Variants in STK39 observed in about 807,000 individuals in gnomAD.
STK39 encodes serine/threonine kinase 39.
In STK39, 20 loss-of-function variants were observed where a neutral mutation model predicts 77.8. That is an observed-to-expected ratio of 0.26 (90% CI 0.18 to 0.37). The LOEUF (loss-of-function observed/expected upper bound fraction) is 0.37, where lower values mean the gene tolerates loss of function less well. STK39 is among the 10% of genes least tolerant of loss of function. STK39 has a pLI of 1.00. For synonymous variants in STK39, 246 were observed against 234.1 expected (o/e 1.05, Z -0.47); for missense variants, 479 against 656.5 (o/e 0.73, Z 2.95).
At chr2:168,190,926 C>G (rs369208344) in intron 1 of STK39, among the ~76,000 whole-genome samples, 1 of 152,334 alleles carries the variant, frequency 6.6e-6, no homozygotes, top group African/African-American at 2.4e-5. Context: ...GGAAGCCAAA[C>G]ATTCCACAAA....
intron 12 of STK39, among the ~76,000 whole-genome samples, chr2:168,068,302 T>C (rs1005891481): frequency 6.6e-6 from 1 of 152,166 alleles, no homozygotes; most frequent in Non-Finnish European, 1.5e-5. Context: ...GAGGAAAAGA[T>C]CTCAGAATGG....
chr2:168,206,740 T>G (rs148430999), intron 1 of STK39, among the ~76,000 whole-genome samples: 1 of 152,192 alleles, frequency 6.6e-6, no homozygotes, highest in African/African-American at 2.4e-5. Flanking sequence ...ACACCCAATA[T>G]TCCACTCACT....
chr2:168,048,299 G>A lies in STK39; in HGVS notation c.1376+15201C>T, dbSNP rs187283029. Among the ~76,000 whole-genome samples, 434 of 149,640 alleles carry A rather than the reference G, an allele frequency of 2.9e-3. 2 individuals are homozygous for A. The highest frequency in any genetic ancestry group is 0.01 in the African/African-American group (410 of 40,564). Reference sequence around the variant, plus strand: ...ACAATCTCGGCTCACTGCAACCTCCGCCTCCCAGGTTCATGCCATTCTCCT... The same window carrying A: ...ACAATCTCGGCTCACTGCAACCTCCACCTCCCAGGTTCATGCCATTCTCCT... On this transcript the variant is annotated intron_variant, in intron 14 of 17. Transcript: ENST00000355999.
At chr2:167,962,812 G>A (rs558822672) in intron 17 of STK39, among the ~76,000 whole-genome samples, 1 of 152,306 alleles carries the variant, frequency 6.6e-6, no homozygotes, top group East Asian at 1.9e-4. Context: ...TGAGAGCGTG[G>A]GCACTGAGGC....
intron 14 of STK39, among the ~76,000 whole-genome samples, chr2:168,051,681 A>G (rs999857645): frequency 1.3e-5 from 2 of 152,158 alleles, no homozygotes; most frequent in Admixed American, 6.5e-5. Flanking sequence ...TCAAATGCCT[A>G]GGCTCAAGCG....
At chr2:168,157,676 C>T (rs2105574865) in intron 5 of STK39, among the ~76,000 whole-genome samples, 1 of 152,162 alleles carries the variant, frequency 6.6e-6, no homozygotes, top group East Asian at 1.9e-4. Flanking sequence ...GGGTTTAGGC[C>T]TCATGATCTT....
At chr2:168,147,352 C>T (rs916916175) in intron 5 of STK39, among the ~76,000 whole-genome samples, 9 of 152,144 alleles carry the variant, frequency 5.9e-5, no homozygotes, top group Non-Finnish European at 1.2e-4. Context: ...CTTCCCGAGT[C>T]CCACAGGTTT....
At chr2:168,158,293 T>G (rs1223891882) in intron 5 of STK39, among the ~76,000 whole-genome samples, 1 of 152,226 alleles carries the variant, frequency 6.6e-6, no homozygotes, top group Non-Finnish European at 1.5e-5. Flanking sequence ...GAGTAGGCTG[T>G]CCTCAGGTTC....
Position 168,024,384 on chromosome 2 carries a change from A to G in STK39, c.1377-7289T>C, listed in dbSNP as rs143780688. Among the ~76,000 whole-genome samples, 1,375 of 152,332 alleles carry G rather than the reference A, an allele frequency of 9.0e-3. 19 individuals are homozygous for G. The highest frequency in any genetic ancestry group is 0.032 in the African/African-American group (1,310 of 41,576). On this transcript the variant is annotated intron_variant, in intron 14 of 17. Transcript: ENST00000355999. ...TGCTATGGTTTGAATGTCTCCCCCA[A>G]AAAGGATGTGCTGGAAACTTCATCC...
chr2:168,058,854 T>TA (rs2105377303), intron 14 of STK39, among the ~76,000 whole-genome samples: 1 of 152,374 alleles, frequency 6.6e-6, no homozygotes, highest in African/African-American at 2.4e-5. Context: ...CTGTTCTCTA[T>TA]AAATCAATTG....
intron 15 of STK39, among the ~76,000 whole-genome samples, chr2:168,013,444 T>C (rs545751385): frequency 3.9e-5 from 6 of 152,278 alleles, no homozygotes; most frequent in East Asian, 1.9e-4. Context: ...TAAAGGGAAA[T>C]TGATAAATTG....
chr2:168,228,833 G>A (rs1386748521), intron 1 of STK39, among the ~76,000 whole-genome samples: 1 of 152,044 alleles, frequency 6.6e-6, no homozygotes, highest in Non-Finnish European at 1.5e-5. Context: ...AATAACCTCA[G>A]AGATCCAGAT....
intron 3 of STK39, 88 bp from the exon 4 acceptor site, chr2:168,163,968 A>G: frequency 6.7e-7 from 1 of 1,488,654 alleles, no homozygotes; most frequent in East Asian, 2.3e-5. Context: ...TTTAATAGAA[A>G]CATCAAAATA....
intron 10 of STK39, among the ~76,000 whole-genome samples, chr2:168,080,328 G>A (rs1201425468): frequency 4.6e-5 from 7 of 152,134 alleles, no homozygotes; most frequent in Admixed American, 3.9e-4. Flanking sequence ...GCCTGACGAT[G>A]TGACAGAAAA....
intron 8 of STK39, among the ~76,000 whole-genome samples, chr2:168,130,141 A>G (rs890796534): frequency 6.6e-6 from 1 of 152,150 alleles, no homozygotes; most frequent in Non-Finnish European, 1.5e-5. Flanking sequence ...AAGAAAGTAT[A>G]CTCTACTATG....
intron 8 of STK39, among the ~76,000 whole-genome samples, chr2:168,130,543 C>G (rs927298192): frequency 1.3e-5 from 2 of 152,146 alleles, no homozygotes; most frequent in Non-Finnish European, 2.9e-5. Flanking sequence ...ACCATCAGTC[C>G]CCAGGCACCA....
chr2:168,005,063 C>T (rs563935726), intron 16 of STK39, among the ~76,000 whole-genome samples: 26 of 140,170 alleles, frequency 1.9e-4, no homozygotes, highest in Non-Finnish European at 3.6e-4. Context: ...TGGAGTGCAG[C>T]GGCGCGATCT....
At chr2:168,048,026 A>T (rs1003408619) in intron 14 of STK39, among the ~76,000 whole-genome samples, 3 of 152,138 alleles carry the variant, frequency 2.0e-5, no homozygotes, top group Non-Finnish European at 2.9e-5. Flanking sequence ...TTTTCTGAAA[A>T]TTTTTTAAAA....
chr2:168,241,615 G>A lies in STK39; in HGVS notation c.208+5613C>T, dbSNP rs561685069. Among the ~76,000 whole-genome samples the A allele has an allele frequency of 1.4e-4, 22 of 152,246 alleles. No homozygotes were observed. The South Asian group carries it at 4.6e-3, about 32-fold the overall frequency. On this transcript the variant is annotated intron_variant, in intron 1 of 17. Transcript: ENST00000355999. ...CTTCCAGCAGCCCAGCACAAGAGTG[G>A]GAATAGGGAACAACCTCTCTTTCCC...
Sources: allele counts gnomAD v4.1 joint callset (sites outside exome capture counted in the v4.1 genomes callset), GRCh38; gene constraint gnomAD v4.1.1; transcripts MANE v1.5; gene names NCBI Gene and HGNC (gene_info 2026-07-23, HGNC 2026-07-21).